Variants in NCBP3 observed in about 807,000 individuals in gnomAD.
The protein encoded by NCBP3 is nuclear cap binding subunit 3.
NCBP3 carries 20 observed loss-of-function variants against 75.7 expected under a neutral mutation model. The ratio of observed to expected loss-of-function variants is 0.26; its 90% CI spans 0.19 to 0.38. The LOEUF (loss-of-function observed/expected upper bound fraction) is 0.38. Among genes scored for constraint, NCBP3 ranks in the 10% least tolerant of loss-of-function variants. The pLI is 1.00. For missense variants in NCBP3, 678 were observed against 796.9 expected, an observed-to-expected ratio of 0.85 and a Z score of 1.80; for synonymous variants, 293 against 290.5, an observed-to-expected ratio of 1.01 and a Z score of -0.09.
chr17:3,826,694 G>GAGAA (rs2053790869), intron 4 of NCBP3, among the ~76,000 whole-genome samples: 1 of 124,798 alleles, frequency 8.0e-6, no homozygotes, highest in Non-Finnish European at 1.6e-5. Flanking sequence ...GAGACAGAAA[G>GAGAA]AGAAGGAAGG....
In NCBP3 at chr17:3,818,212, C is replaced by T. The variant is rs754857361; in HGVS notation, c.1310+51G>A. The stretch of plus-strand genomic sequence containing the variant: ...AATTAGGAGGAATTAAGAAGTTATA[C>T]TAGTATTTAAAATCAAATTAAAAGC... On this transcript the variant is annotated intron_variant, in intron 10 of 12. Transcript: ENST00000389005. This position sits in a 1 kb window ranked among gnomAD's most constrained non-coding sequence, Gnocchi z 4.7. The T allele has an allele frequency of 7.8e-7, 1 of 1,278,362 alleles. No homozygotes were observed. Among genetic ancestry groups the T allele is most frequent in the East Asian group, 2.4e-5 (1 of 42,536 alleles). The allele number at this position is 1,278,362 out of a possible 1,614,324, so 79.2% of individuals were successfully genotyped here. A position where few individuals can be genotyped will look rare whatever the true frequency, so the allele number is the denominator to read the frequency against.
rs1379711203 is a variant in NCBP3 at position 3,818,538 on chromosome 17, C to T, written c.1035G>A (p.Glu345=). 2 of 1,610,328 alleles carry T rather than the reference C, an allele frequency of 1.2e-6. No individual in the cohort carries two copies. Among genetic ancestry groups the T allele is most frequent in the East Asian group, 4.5e-5 (2 of 44,900 alleles). The change falls in exon 10 of 13, where the codon GAG becomes GAA. Residue 345 remains glutamate, a synonymous_variant. Coordinates refer to ENST00000389005, the MANE Select transcript of NCBP3 (RefSeq NM_001114118.3). This position sits in a 1 kb window ranked among gnomAD's most constrained non-coding sequence, Gnocchi z 4.7. ...LVNVPEEPIE[E]EEEEEEEEEE... is the part of the protein sequence containing the mutation. Reference sequence around the variant, plus strand: ...CTTCCTCCTCCTCCTCCTCTTCCTCCTCTTCAATGGGTTCCTCGGGAACAT... The same window carrying T: ...CTTCCTCCTCCTCCTCCTCTTCCTCTTCTTCAATGGGTTCCTCGGGAACAT...
chr17:3,811,497 A>C lies in NCBP3; in HGVS notation c.*1547T>G, dbSNP rs1273446522. On this transcript the variant is annotated 3_prime_UTR_variant, in exon 13 of 13. Coordinates refer to ENST00000389005, the MANE Select transcript of NCBP3 (RefSeq NM_001114118.3). ...AAAGGGAGGGAGAAAAAGCAAGGTTAATCAACAAAATATGGGACAATACAG... is the reference window on the plus strand; with the variant it reads ...AAAGGGAGGGAGAAAAAGCAAGGTTCATCAACAAAATATGGGACAATACAG... The C allele has an allele frequency of 1.3e-5, 2 of 152,266 alleles. No homozygotes were observed. The highest frequency in any genetic ancestry group is 4.8e-5 in the African/African-American group (2 of 41,470). 9.4% of individuals were successfully genotyped at this position (152,266 alleles called of 1,614,324 possible).
At chr17:3,819,377 A>G (rs2053616580) in intron 9 of NCBP3, among the ~76,000 whole-genome samples, 1 of 152,050 alleles carries the variant, frequency 6.6e-6, no homozygotes, top group Admixed American at 6.6e-5. Flanking sequence ...CTAACATGCT[A>G]ATACCCTGTC....
intron 4 of NCBP3, 72 bp downstream of exon 4, chr17:3,829,171 C>T: frequency 1.3e-6 from 2 of 1,505,144 alleles, no homozygotes; most frequent in African/African-American, 1.4e-5. Flanking sequence ...AACCATTCAC[C>T]ATCTCTGATG....
chr17:3,832,933 A>G (rs2053910316), intron 3 of NCBP3, among the ~76,000 whole-genome samples: 1 of 152,160 alleles, frequency 6.6e-6, no homozygotes, highest in Admixed American at 6.5e-5. Flanking sequence ...TCCCAGATTT[A>G]AAAAGATAAA....
intron 3 of NCBP3, among the ~76,000 whole-genome samples, chr17:3,831,458 A>G (rs2053877019): frequency 6.7e-6 from 1 of 150,252 alleles, no homozygotes; most frequent in African/African-American, 2.4e-5. Flanking sequence ...CTGTAGTCCC[A>G]GCTACTTGGG....
chr17:3,814,455 T>C lies in NCBP3; in HGVS notation c.1494A>G (p.Pro498=). Residue 498 remains proline (P), a synonymous_variant, in exon 12 of 13, where the codon CCA becomes CCG. Transcript: ENST00000389005. Reference sequence around the variant, plus strand: ...TACTAAAAGCCTTTTCCGGAGAATGTGGTCTTTTTCCTAACCGCTGGCGTA... The same window carrying C: ...TACTAAAAGCCTTTTCCGGAGAATGCGGTCTTTTTCCTAACCGCTGGCGTA... ...SDIRQRLGKR[P]HSPEKAFSSN... is the part of the protein sequence containing the mutation. The C allele has an allele frequency of 6.2e-7, 1 of 1,614,194 alleles. No individual in the cohort carries two copies. Among genetic ancestry groups the C allele is most frequent in the Non-Finnish European group, 8.5e-7 (1 of 1,180,042 alleles).
rs2053583372 is a variant in NCBP3, at chr17:3,818,154, G to C, written c.1310+109C>G. On this transcript the variant is annotated intron_variant, in intron 10 of 12. Coordinates refer to ENST00000389005, the MANE Select transcript of NCBP3 (RefSeq NM_001114118.3). This position sits in a 1 kb window ranked among gnomAD's most constrained non-coding sequence, Gnocchi z 4.7. ...ATGCGTTTATTAAACTCCTACAAGG[G>C]ACTGAAATCAGAATAGATAAAAGAT... 8.7e-6 allele frequency: 8 copies of C among 919,952 alleles called. No homozygotes were observed. The highest frequency in any genetic ancestry group is 7.7e-5 in the South Asian group (4 of 51,976). 57.0% of individuals were successfully genotyped at this position (919,952 alleles called of 1,614,324 possible). A position where few individuals can be genotyped will look rare whatever the true frequency, so the allele number is the denominator to read the frequency against.
intron 2 of NCBP3, 149 bp downstream of exon 2, chr17:3,842,937 C>A: frequency 1.4e-6 from 1 of 693,072 alleles, no homozygotes; most frequent in Admixed American, 2.5e-5. Context: ...AGCCAGCGTG[C>A]CTGGCCAATA....
chr17:3,845,194 CTGTTGT>C (rs2054139600), intron 1 of NCBP3, among the ~76,000 whole-genome samples: 3 of 152,146 alleles, frequency 2.0e-5, no homozygotes, highest in Non-Finnish European at 2.9e-5. Context: ...ACTATATTAG[CTGTTGT>C]TAATCATAAT....
chr17:3,835,463 G>A (rs908155837), intron 3 of NCBP3, among the ~76,000 whole-genome samples: 1 of 152,250 alleles, frequency 6.6e-6, no homozygotes, highest in Admixed American at 6.5e-5. Flanking sequence ...CCAGAAAGTT[G>A]CGACACATGA....
At chr17:3,845,899 C>T (rs1725270855) in intron 1 of NCBP3, 142 bp downstream of exon 1, 2 of 997,144 alleles carry the variant, frequency 2.0e-6, no homozygotes, top group Non-Finnish European at 2.8e-6. Context: ...CCCGGCGTTC[C>T]CGTTCCCAGG....
chr17:3,842,722 T>C (rs1362899765), intron 2 of NCBP3, among the ~76,000 whole-genome samples: 1 of 152,180 alleles, frequency 6.6e-6, no homozygotes, highest in Non-Finnish European at 1.5e-5. Context: ...TTCAGCTCAG[T>C]GCAGCCTCAA....
At position 3,813,044 on chromosome 17, in the gene NCBP3, T is replaced by A; in HGVS notation, c.1863A>T (p.Ter621CysextTer10). The A allele has an allele frequency of 1.9e-6, 3 of 1,614,140 alleles. No homozygotes were observed. Among genetic ancestry groups the A allele is most frequent in the Non-Finnish European group, 2.5e-6 (3 of 1,179,996 alleles). The change falls in exon 13 of 13, where the codon TGA becomes TGT. Residue 621 changes from the stop codon to cysteine (C), a stop_lost. Coordinates refer to ENST00000389005, the MANE Select transcript of NCBP3 (RefSeq NM_001114118.3). ...ESSSGSEAES[*>C] is the part of the protein sequence containing the mutation. ...GCAGCTGCCATAGGCCCCAGGGGCA[T>A]CAGGACTCTGCCTCTGAACCAGAGC... is the stretch of plus-strand genomic sequence containing the variant.
Position 3,825,004 on chromosome 17 carries a change from T to C in NCBP3, c.734A>G (p.Asp245Gly), listed in dbSNP as rs1398411676. The C allele has an allele frequency of 5.2e-6, 8 of 1,546,746 alleles. No individual in the cohort carries two copies. The highest frequency in any genetic ancestry group is 1.4e-5 in the African/African-American group (1 of 72,908). Residue 245 changes from aspartate to glycine, a missense_variant, in exon 7 of 13, where the codon GAT becomes GGT. Coordinates refer to ENST00000389005, the MANE Select transcript of NCBP3 (RefSeq NM_001114118.3). ...AGCAAGTTTGTTAGCTGGACGAAGA[T>C]CGTTTCTTAACAAAGACTCCTCTTC... ...QVEEESLLRNDLRPANKLAKG... is the reference protein window; with the variant it reads ...QVEEESLLRNGLRPANKLAKG...
intron 1 of NCBP3, 118 bp from the exon 2 acceptor site, chr17:3,843,269 AGT>A: frequency 1.3e-6 from 1 of 762,390 alleles, no homozygotes; most frequent in Non-Finnish European, 2.1e-6. Flanking sequence ...TGTTGGTGAC[AGT>A]GTCTTGCTCT....
Position 3,843,705 on chromosome 17 carries a change from G to A in NCBP3, c.184-554C>T, listed in dbSNP as rs554944091. Reference sequence around the variant, plus strand: ...GGGATTACAGGCATGTGCCACCACCGCCAGCTAATTTTTTTATTTTTAGTA... The same window carrying A: ...GGGATTACAGGCATGTGCCACCACCACCAGCTAATTTTTTTATTTTTAGTA... On this transcript the variant is annotated intron_variant, in intron 1 of 12. Coordinates refer to ENST00000389005, the MANE Select transcript of NCBP3 (RefSeq NM_001114118.3). 2.3e-4 allele frequency among the ~76,000 whole-genome samples: 35 copies of A among 152,034 alleles called. No individual in the cohort carries two copies. In the South Asian group the frequency reaches 3.3e-3, roughly 14 times the overall value.
rs2053443335 is a variant in NCBP3 at position 3,812,783 on chromosome 17, C to G, written c.*261G>C. ...AATGTCTACAAAATCTGGAGGGCTG[C>G]CTTTTTCTCAAAGGGTAAAGCCTGT... On this transcript the variant is annotated 3_prime_UTR_variant, in exon 13 of 13. Coordinates refer to ENST00000389005, the MANE Select transcript of NCBP3 (RefSeq NM_001114118.3). 1.5e-6 allele frequency: 2 copies of G among 1,299,232 alleles called. No individual in the cohort carries two copies. Among genetic ancestry groups the G allele is most frequent in the African/African-American group, 3.0e-5 (2 of 66,968 alleles). The allele number at this position is 1,299,232 out of a possible 1,614,324, so 80.5% of individuals were successfully genotyped here. A position where few individuals can be genotyped will look rare whatever the true frequency, so the allele number is the denominator to read the frequency against.
Sources: gnomAD v4.1 joint callset for allele counts (sites outside exome capture counted in the v4.1 genomes callset) on GRCh38, gnomAD v4.1.1 for gene constraint, Gnocchi (gnomAD v3.1) non-coding constraint, MANE v1.5 for transcripts, NCBI Gene and HGNC (gene_info 2026-07-23, HGNC 2026-07-21) for gene names.